MTMR10: variants seen among roughly 807,000 people sequenced by gnomAD.
The protein encoded by MTMR10 is myotubularin-related protein 10.
MTMR10 carries 56 observed loss-of-function variants against 88.1 expected under a neutral mutation model. The observed-to-expected ratio is 0.64, with a 90% confidence interval of 0.51 to 0.79. The LOEUF is 0.79. Ranked by LOEUF, MTMR10 falls within the 30% of genes least tolerant of loss-of-function variation. The probability of loss-of-function intolerance (pLI) is 0.00; values close to 1 mark genes in which losing one functional copy is unlikely to be tolerated. For missense variants in MTMR10, 883 were observed against 924.7 expected, an observed-to-expected ratio of 0.95 and a Z score of 0.58; for synonymous variants, 380 against 340.9, an observed-to-expected ratio of 1.11 and a Z score of -1.26.
intron 8 of MTMR10, 34 bp from the exon 9 acceptor site, chr15:30,958,985 T>C: frequency 6.2e-7 from 1 of 1,613,682 alleles, no homozygotes; most frequent in Non-Finnish European, 8.5e-7. Context: ...CTTCACTGTG[T>C]AGAAACAATG....
At chr15:30,943,372 T>A (rs2293320) in intron 14 of MTMR10, 9 of 984,748 alleles carry the variant, frequency 9.1e-6, no homozygotes, top group East Asian at 1.1e-4. Flanking sequence ...AACATGATAC[T>A]AGAAAGTCTT....
At chr15:30,959,262 GGGGCAGTGACGATC>G in intron 7 of MTMR10, 141 bp from the exon 8 acceptor site, 1 of 719,666 alleles carries the variant, frequency 1.4e-6, no homozygotes, top group Non-Finnish European at 2.3e-6. Context: ...GCACCATGGG[GGGGCAGTGACGATC>G]CTACACCTCT....
chr15:30,938,449 C>T (rs923105791), downstream of MTMR10, among the ~76,000 whole-genome samples: 1 of 152,118 alleles, frequency 6.6e-6, no homozygotes, highest in Non-Finnish European at 1.5e-5. Flanking sequence ...GGAATGAAGT[C>T]TTTATCAGAG....
intron 14 of MTMR10, 32 bp downstream of exon 14, chr15:30,947,098 G>A (rs762268684): frequency 1.9e-6 from 3 of 1,555,916 alleles, no homozygotes; most frequent in Non-Finnish European, 2.6e-6. Context: ...TAAAAACAGG[G>A]AAAACGTAGC....
chr15:30,964,010 TA>T (rs201436983), intron 6 of MTMR10, among the ~76,000 whole-genome samples: 9,326 of 146,356 alleles, frequency 0.064, 384 homozygotes, highest in Admixed American at 0.14. Flanking sequence ...GTTTATGACT[TA>T]AAAAAAAAAA....
intron 6 of MTMR10, chr15:30,966,057 G>A (rs778415276): frequency 2.2e-6 from 1 of 454,970 alleles, no homozygotes; most frequent in South Asian, 1.6e-5. Flanking sequence ...CAGCATGGAA[G>A]GATATTAAAG....
intron 1 of MTMR10, 34 bp from the exon 2 acceptor site, chr15:30,990,871 A>T: frequency 6.5e-7 from 1 of 1,537,438 alleles, no homozygotes; most frequent in Non-Finnish European, 8.9e-7. Flanking sequence ...TCAAAATCTC[A>T]ATCCCCCCAC....
intron 10 of MTMR10, among the ~76,000 whole-genome samples, chr15:30,954,548 A>G (rs977095083): frequency 6.6e-6 from 1 of 151,914 alleles, no homozygotes; most frequent in Non-Finnish European, 1.5e-5. Flanking sequence ...AATTTAATAC[A>G]CTCATTTTTC....
chr15:30,955,429 C>A (rs1463114689), intron 9 of MTMR10, among the ~76,000 whole-genome samples: 1 of 152,198 alleles, frequency 6.6e-6, no homozygotes, highest in Non-Finnish European at 1.5e-5. Flanking sequence ...CGCCACCACA[C>A]CTGGCTAAAT....
chr15:30,959,150 T>A, intron 7 of MTMR10, 29 bp from the exon 8 acceptor site: 1 of 1,536,326 alleles, frequency 6.5e-7, no homozygotes, highest in Non-Finnish European at 8.9e-7. Context: ...ATTATATGAG[T>A]GCTGTGCTAA....
chr15:30,983,786 A>G (rs2141066877), intron 2 of MTMR10, among the ~76,000 whole-genome samples: 1 of 152,348 alleles, frequency 6.6e-6, no homozygotes, highest in African/African-American at 2.4e-5. Flanking sequence ...AGCTTTAGGT[A>G]AATTCAGGAA....
the MTMR10 span, chr15:30,920,421 A>G: frequency 2.2e-5 from 15 of 679,232 alleles, no homozygotes; most frequent in Non-Finnish European, 3.3e-5. Context: ...ATTGTACACA[A>G]CTGAAAGTAT....
chr15:30,943,093 T>TA, intron 14 of MTMR10, 21 bp from the exon 15 acceptor site: 1 of 1,529,348 alleles, frequency 6.5e-7, no homozygotes, highest in South Asian at 1.2e-5. Flanking sequence ...AATAAATAAA[T>TA]ATTTGCAAAA....
downstream of MTMR10, among the ~76,000 whole-genome samples, chr15:30,936,634 T>C (rs1215562512): frequency 6.9e-6 from 1 of 145,140 alleles, no homozygotes; most frequent in East Asian, 2.1e-4. Flanking sequence ...TCCTGATAAA[T>C]CCTACACATC....
At chr15:30,942,233 C>G in intron 15 of MTMR10, 161 bp from the exon 16 acceptor site, 1 of 903,622 alleles carries the variant, frequency 1.1e-6, no homozygotes, top group Non-Finnish European at 1.7e-6. Context: ...AATCCTCCTC[C>G]CCTGGAATTA....
chr15:30,927,425 G>C, the MTMR10 span: 3 of 985,522 alleles, frequency 3.0e-6, no homozygotes, highest in Non-Finnish European at 3.6e-6. Flanking sequence ...TTGAATCCCT[G>C]AGACGGGCTG....
At chr15:30,927,706 T>C in the MTMR10 span, 2 of 985,570 alleles carry the variant, frequency 2.0e-6, no homozygotes, top group Non-Finnish European at 2.4e-6. Flanking sequence ...CCAGTGGTCT[T>C]GTGGGGAGAG....
At position 30,940,769 on chromosome 15, in the gene MTMR10, T is replaced by G; in HGVS notation, c.*701A>C. On this transcript the variant is annotated 3_prime_UTR_variant, in exon 16 of 16. Transcript: ENST00000435680. ...CAATGGGATTTTCCCACCCCAATTTTAAAAAGTGAAATTATATTTTCTTCT... is the reference window on the plus strand; with the variant it reads ...CAATGGGATTTTCCCACCCCAATTTGAAAAAGTGAAATTATATTTTCTTCT... The G allele has an allele frequency of 1.0e-6, 1 of 987,986 alleles. No homozygotes were observed. Among genetic ancestry groups the G allele is most frequent in the Non-Finnish European group, 1.2e-6 (1 of 831,474 alleles). The allele number at this position is 987,986 out of a possible 1,614,324, so 61.2% of individuals were successfully genotyped here. A position where few individuals can be genotyped will look rare whatever the true frequency, so the allele number is the denominator to read the frequency against.
chr15:30,942,191 C>T (rs2063077327), intron 15 of MTMR10, 119 bp from the exon 16 acceptor site: 1 of 1,223,968 alleles, frequency 8.2e-7, no homozygotes, highest in African/African-American at 1.5e-5. Flanking sequence ...CCTCAAAGAA[C>T]ATTTTCCTCC....
Sources: allele counts gnomAD v4.1 joint callset (sites outside exome capture counted in the v4.1 genomes callset), GRCh38; gene constraint gnomAD v4.1.1; transcripts MANE v1.5; gene names NCBI Gene and HGNC (gene_info 2026-07-23, HGNC 2026-07-21).